Variants in SHOC2 observed in about 807,000 individuals in gnomAD.
SHOC2 encodes leucine-rich repeat protein SHOC-2.
SHOC2 carries 4 observed loss-of-function variants against 50.2 expected under a neutral mutation model. The observed-to-expected ratio is 0.08, with a 90% confidence interval of 0.04 to 0.18. SHOC2 has a LOEUF of 0.18. SHOC2 is among the 10% of genes least tolerant of loss of function. The probability of loss-of-function intolerance (pLI) is 1.00; values close to 1 mark genes in which losing one functional copy is unlikely to be tolerated. For missense variants in SHOC2, 388 were observed against 669.6 expected (o/e 0.58, Z 4.64); for synonymous variants, 218 against 244.5 (o/e 0.89, Z 1.01).
chr10:110,998,384 T>TG (rs1308109152), intron 3 of SHOC2, among the ~76,000 whole-genome samples: 1 of 152,170 alleles, frequency 6.6e-6, no homozygotes, highest in Non-Finnish European at 1.5e-5. Flanking sequence ...ACTCAATTTT[T>TG]TTTTTTCTCC....
At chr10:111,008,930 G>C (rs1432449920) in intron 6 of SHOC2, among the ~76,000 whole-genome samples, 1 of 152,078 alleles carries the variant, frequency 6.6e-6, no homozygotes, top group Admixed American at 6.5e-5. Context: ...GTAATGGTTT[G>C]TAAGGGATTT....
At chr10:110,969,467 A>G (rs906865515) in intron 2 of SHOC2, among the ~76,000 whole-genome samples, 7 of 152,206 alleles carry the variant, frequency 4.6e-5, no homozygotes, top group African/African-American at 1.2e-4. Context: ...GACAGTTTGT[A>G]TAACGAATCT....
intron 2 of SHOC2, among the ~76,000 whole-genome samples, chr10:110,983,589 C>A (rs1848024319): frequency 6.6e-6 from 1 of 152,112 alleles, no homozygotes; most frequent in Non-Finnish European, 1.5e-5. Context: ...ATTGACATTG[C>A]TGTGCAACGA....
At chr10:110,974,871 A>G (rs796805913) in intron 2 of SHOC2, among the ~76,000 whole-genome samples, 11 of 152,278 alleles carry the variant, frequency 7.2e-5, no homozygotes, top group African/African-American at 2.6e-4. Flanking sequence ...TAATACATTG[A>G]TACTATTTTG....
chr10:110,992,061 C>T (rs1053902357), intron 3 of SHOC2, among the ~76,000 whole-genome samples: 1 of 152,110 alleles, frequency 6.6e-6, no homozygotes, highest in Non-Finnish European at 1.5e-5. Flanking sequence ...TATTTACTTG[C>T]CTTTTCCTTT....
intron 1 of SHOC2, among the ~76,000 whole-genome samples, chr10:110,934,325 A>C (rs1054189008): frequency 1.3e-5 from 2 of 152,184 alleles, no homozygotes; most frequent in African/African-American, 4.8e-5. Flanking sequence ...AAACAACCTA[A>C]ATATCAGTTG....
chr10:111,011,355 A>G (rs1354773718), intron 8 of SHOC2, among the ~76,000 whole-genome samples: 4 of 152,166 alleles, frequency 2.6e-5, no homozygotes, highest in African/African-American at 7.2e-5. Context: ...TTGAAGACCT[A>G]CCATAAAGGA....
chr10:110,933,602 A>C (rs1280653985), intron 1 of SHOC2, among the ~76,000 whole-genome samples: 1 of 152,182 alleles, frequency 6.6e-6, no homozygotes, highest in Non-Finnish European at 1.5e-5. Flanking sequence ...ACACTTGGAG[A>C]GGGCAGCTCC....
chr10:110,955,765 C>T (rs559763060), intron 1 of SHOC2, among the ~76,000 whole-genome samples: 7 of 152,124 alleles, frequency 4.6e-5, no homozygotes, highest in African/African-American at 1.2e-4. Context: ...TACTAAAGTA[C>T]ATTGTCCTAG....
At position 110,984,491 on chromosome 10, in the gene SHOC2, A is replaced by T. The variant is rs373438579; in HGVS notation, c.704-1137A>T. 9.9e-5 allele frequency among the ~76,000 whole-genome samples: 15 copies of T among 152,128 alleles called. No individual in the cohort carries two copies. The East Asian group carries it at 2.3e-3, about 23-fold the overall frequency. ...TTCATAGTATCCTCTGATGCACTAA[A>T]GTTTTAAATTTTGATAAAATCTAAC... On this transcript the variant is annotated intron_variant, in intron 2 of 8. Transcript: ENST00000369452.
At chr10:110,938,113 CATTT>C (rs1486962915) in intron 1 of SHOC2, among the ~76,000 whole-genome samples, 1 of 151,972 alleles carries the variant, frequency 6.6e-6, no homozygotes, top group African/African-American at 2.4e-5. Flanking sequence ...GGGTAGTGTC[CATTT>C]ATTTTCCTCA....
At position 110,977,915 on chromosome 10, in the gene SHOC2, T is replaced by C. The variant is rs572671446; in HGVS notation, c.704-7713T>C. Among the ~76,000 whole-genome samples, 16 of 152,338 alleles carry C rather than the reference T, an allele frequency of 1.1e-4. No individual in the cohort carries two copies. In the South Asian group the frequency reaches 3.3e-3, roughly 32 times the overall value. On this transcript the variant is annotated intron_variant, in intron 2 of 8. Transcript: ENST00000369452. ...TTTGCCTAGCCTTTGGTAGTCTGTT[T>C]GTACCTAATGCAGATAAGAATTTAG...
At chr10:110,930,776 C>T (rs999410248) in intron 1 of SHOC2, among the ~76,000 whole-genome samples, 26 of 114,368 alleles carry the variant, frequency 2.3e-4, no homozygotes, top group African/African-American at 8.4e-4. Context: ...GCATTTAAAA[C>T]TTTTCAGATA....
At chr10:111,006,083 A>G (rs1465302259) in intron 5 of SHOC2, among the ~76,000 whole-genome samples, 1 of 152,244 alleles carries the variant, frequency 6.6e-6, no homozygotes, top group Non-Finnish European at 1.5e-5. Flanking sequence ...TTCATTTTGT[A>G]GTAATAGGCT....
intron 1 of SHOC2, among the ~76,000 whole-genome samples, chr10:110,960,519 A>G (rs1039268442): frequency 1.3e-5 from 2 of 152,210 alleles, no homozygotes; most frequent in Non-Finnish European, 2.9e-5. Context: ...GTCACTTAGT[A>G]GGTATCTGAC....
chr10:111,000,621 T>C, intron 4 of SHOC2, 76 bp downstream of exon 4: 1 of 1,300,840 alleles, frequency 7.7e-7, no homozygotes, highest in East Asian at 2.4e-5. Flanking sequence ...TAAATCTTTA[T>C]AGCAGGGTAA....
intron 3 of SHOC2, among the ~76,000 whole-genome samples, chr10:110,993,028 T>C (rs1848212435): frequency 6.6e-6 from 1 of 152,234 alleles, no homozygotes; most frequent in Non-Finnish European, 1.5e-5. Flanking sequence ...TTTTAATTCA[T>C]AGCCATTTGA....
At chr10:110,971,001 A>G (rs1847771506) in intron 2 of SHOC2, among the ~76,000 whole-genome samples, 1 of 152,014 alleles carries the variant, frequency 6.6e-6, no homozygotes, top group African/African-American at 2.4e-5. Context: ...TTCATTCTGC[A>G]GGTTGTCTCT....
chr10:110,983,763 TC>T (rs1848028129), intron 2 of SHOC2, among the ~76,000 whole-genome samples: 1 of 152,182 alleles, frequency 6.6e-6, no homozygotes, highest in Non-Finnish European at 1.5e-5. Flanking sequence ...ATAAGAGGGA[TC>T]ATAAAATTGT....
Sources: gnomAD v4.1 joint callset for allele counts (sites outside exome capture counted in the v4.1 genomes callset) on GRCh38, gnomAD v4.1.1 for gene constraint, MANE v1.5 for transcripts, NCBI Gene and HGNC (gene_info 2026-07-23, HGNC 2026-07-21) for gene names.